The following SLC35F3 variants were observed in gnomAD, a reference collection of about 807,000 sequenced individuals.
The protein encoded by SLC35F3 is solute carrier family 35 member F3.
Under a neutral mutation model 49.9 loss-of-function variants are expected in SLC35F3, and 25 were observed. The observed-to-expected ratio is 0.50, with a 90% CI of 0.37 to 0.70. The LOEUF (loss-of-function observed/expected upper bound fraction) is 0.70, where lower values mean the gene tolerates loss of function less well. SLC35F3 is among the 30% of genes least tolerant of loss of function. SLC35F3 has a pLI of 0.00. For synonymous variants in SLC35F3, 275 were observed against 265.4 expected (o/e 1.04, Z -0.35); for missense variants, 525 against 639.8 (o/e 0.82, Z 1.94).
At chr1:233,907,709 CTTTT>C (rs1661798684) in intron 2 of SLC35F3, among the ~76,000 whole-genome samples, 1 of 87,880 alleles carries the variant, frequency 1.1e-5, no homozygotes, top group Non-Finnish European at 2.7e-5. Flanking sequence ...AAGAGGTTGT[CTTTT>C]TGTTTTTTTT....
chr1:234,056,436 T>C (rs1664457769), intron 2 of SLC35F3, among the ~76,000 whole-genome samples: 1 of 152,208 alleles, frequency 6.6e-6, no homozygotes, highest in South Asian at 2.1e-4. Context: ...TATTAGTACA[T>C]GGTATCTGTG....
chr1:234,020,380 A>T (rs1470992583), intron 2 of SLC35F3, among the ~76,000 whole-genome samples: 1 of 152,194 alleles, frequency 6.6e-6, no homozygotes, highest in African/African-American at 2.4e-5. Flanking sequence ...TTAGAAATGT[A>T]GATAAAAACA....
At chr1:234,300,885 G>C (rs1262522842) in intron 3 of SLC35F3, among the ~76,000 whole-genome samples, 2 of 152,244 alleles carry the variant, frequency 1.3e-5, no homozygotes, top group East Asian at 3.8e-4. Flanking sequence ...GAGAGAATAA[G>C]GGCATGGGCC....
rs557942326 is a variant in SLC35F3 at position 234,293,428 on chromosome 1, C to T, written c.609-15673C>T. On this transcript the variant is annotated intron_variant, in intron 3 of 7. Coordinates refer to ENST00000366618, the MANE Select transcript of SLC35F3 (RefSeq NM_173508.4). ...AAAAACAAGGATAACTTTCTGTCAA[C>T]CCATTTTGAATCCTTGAATCTCTGT... 6.6e-5 allele frequency among the ~76,000 whole-genome samples: 10 copies of T among 152,352 alleles called. No homozygotes were observed. In the East Asian group the frequency reaches 1.7e-3, roughly 26 times the overall value.
chr1:234,080,745 C>G (rs1017203419), intron 2 of SLC35F3, among the ~76,000 whole-genome samples: 1 of 151,868 alleles, frequency 6.6e-6, no homozygotes, highest in Non-Finnish European at 1.5e-5. Context: ...TTAGTGGTTG[C>G]CAGGGAAGGG....
At chr1:234,112,304 G>C (rs1388817113) in intron 2 of SLC35F3, among the ~76,000 whole-genome samples, 2 of 152,148 alleles carry the variant, frequency 1.3e-5, no homozygotes, top group African/African-American at 4.8e-5. Flanking sequence ...CAGTGAGCCA[G>C]GATCACACCA....
intron 2 of SLC35F3, among the ~76,000 whole-genome samples, chr1:234,141,102 C>T (rs1665908073): frequency 6.6e-6 from 1 of 152,134 alleles, no homozygotes; most frequent in Non-Finnish European, 1.5e-5. Flanking sequence ...TGAGGATGGG[C>T]CCTGCAGAAT....
At chr1:234,205,913 G>A (rs1666962844) in intron 2 of SLC35F3, among the ~76,000 whole-genome samples, 1 of 152,128 alleles carries the variant, frequency 6.6e-6, no homozygotes, top group African/African-American at 2.4e-5. Context: ...TGCAGGGGGT[G>A]GTGGGTGAGG....
At chr1:234,134,352 C>T (rs1434313555) in intron 2 of SLC35F3, among the ~76,000 whole-genome samples, 3 of 148,232 alleles carry the variant, frequency 2.0e-5, no homozygotes, top group African/African-American at 4.9e-5. Context: ...ATATTTATTA[C>T]TTTATGTGTG....
chr1:233,980,516 G>A (rs894596396), intron 2 of SLC35F3, among the ~76,000 whole-genome samples: 2 of 152,192 alleles, frequency 1.3e-5, no homozygotes, highest in African/African-American at 4.8e-5. Context: ...CATGCTCAGG[G>A]TTATTGCTTT....
chr1:234,070,938 C>G (rs528963519), intron 2 of SLC35F3, among the ~76,000 whole-genome samples: 3 of 152,188 alleles, frequency 2.0e-5, no homozygotes, highest in Non-Finnish European at 4.4e-5. Context: ...AGAGCTTACC[C>G]TCAACTCCCA....
chr1:234,186,081 G>A (rs1666639583), intron 2 of SLC35F3, among the ~76,000 whole-genome samples: 1 of 152,194 alleles, frequency 6.6e-6, no homozygotes, highest in Non-Finnish European at 1.5e-5. Flanking sequence ...CACCAGGGAA[G>A]GGTTGCTGGC....
chr1:233,913,344 T>A (rs1393160587), intron 2 of SLC35F3, among the ~76,000 whole-genome samples: 3 of 152,302 alleles, frequency 2.0e-5, no homozygotes, highest in Middle Eastern at 6.8e-3. Context: ...CCTGTCACCT[T>A]CCTCATCCAG....
At chr1:234,269,202 T>A (rs966463573) in intron 3 of SLC35F3, among the ~76,000 whole-genome samples, 8 of 152,280 alleles carry the variant, frequency 5.3e-5, no homozygotes, top group African/African-American at 1.4e-4. Context: ...TTAAAGAAAA[T>A]TTTAATTGGA....
chr1:234,110,246 G>A (rs1379771672), intron 2 of SLC35F3, among the ~76,000 whole-genome samples: 1 of 152,162 alleles, frequency 6.6e-6, no homozygotes, highest in Non-Finnish European at 1.5e-5. Context: ...TTGGATGCCT[G>A]GATAAGAGTT....
At chr1:234,042,374 G>T (rs918271214) in intron 2 of SLC35F3, among the ~76,000 whole-genome samples, 4 of 151,996 alleles carry the variant, frequency 2.6e-5, no homozygotes, top group African/African-American at 9.7e-5. Context: ...CTAAAGAAAG[G>T]CTCCTACCAT....
intron 2 of SLC35F3, among the ~76,000 whole-genome samples, chr1:233,914,987 G>C (rs1485918214): frequency 6.6e-6 from 1 of 152,208 alleles, no homozygotes; most frequent in Non-Finnish European, 1.5e-5. Flanking sequence ...ATTTATGACA[G>C]CATTTGAGAT....
At chr1:233,922,148 G>A (rs1662073409) in intron 2 of SLC35F3, among the ~76,000 whole-genome samples, 1 of 152,184 alleles carries the variant, frequency 6.6e-6, no homozygotes, top group African/African-American at 2.4e-5. Flanking sequence ...AATCCTTTGG[G>A]TATATACCCA....
At chr1:234,115,426 C>T (rs1375816475) in intron 2 of SLC35F3, among the ~76,000 whole-genome samples, 1 of 152,140 alleles carries the variant, frequency 6.6e-6, no homozygotes, top group Non-Finnish European at 1.5e-5. Context: ...GCTTTGCCAA[C>T]CCAAAGCATT....
Sources: allele counts gnomAD v4.1 joint callset (sites outside exome capture counted in the v4.1 genomes callset), GRCh38; gene constraint gnomAD v4.1.1; transcripts MANE v1.5; gene names NCBI Gene and HGNC (gene_info 2026-07-23, HGNC 2026-07-21).